The following ZNF341 variants were observed in gnomAD, a reference collection of about 807,000 sequenced individuals.
The protein encoded by ZNF341 is zinc finger protein 341.
ZNF341 carries 52 observed loss-of-function variants against 87.7 expected under a neutral mutation model. The observed-to-expected ratio is 0.59, with a 90% confidence interval of 0.47 to 0.75. The LOEUF is 0.75. ZNF341 is among the 30% of genes least tolerant of loss of function. The probability of loss-of-function intolerance (pLI) is 0.00; values close to 1 mark genes in which losing one functional copy is unlikely to be tolerated. For synonymous variants in ZNF341, 459 were observed against 472.7 expected (o/e 0.97, Z 0.38); for missense variants, 977 against 1,145.9 (o/e 0.85, Z 2.13).
chr20:33,734,403 G>A (rs145142392), intron 1 of ZNF341, among the ~76,000 whole-genome samples: 21 of 152,342 alleles, frequency 1.4e-4, no homozygotes, highest in Admixed American at 5.9e-4. Context: ...GAGGGGGCCA[G>A]AGTGGCAGTG....
At chr20:33,768,168 G>A (rs2019448815) in intron 9 of ZNF341, among the ~76,000 whole-genome samples, 1 of 151,964 alleles carries the variant, frequency 6.6e-6, no homozygotes, top group Non-Finnish European at 1.5e-5. Context: ...TGTCGCCCAG[G>A]CTGGAGTGCA....
rs41303803 is a variant in ZNF341 at position 33,791,312 on chromosome 20, C to G, written c.2360C>G (p.Ala787Gly). 5.6e-6 allele frequency: 9 copies of G among 1,611,450 alleles called. No homozygotes were observed. In the African/African-American group the frequency reaches 1.2e-4, roughly 22 times the overall value. Residue 787 changes from alanine to glycine, a missense_variant, in exon 15 of 15, where the codon GCT becomes GGT. Physicochemically the swap from Ala to Gly is moderately conservative, Grantham distance 60 (BLOSUM62 0). Coordinates refer to ENST00000375200, the MANE Select transcript of ZNF341 (RefSeq NM_001282933.2). ...KDTGAGLVPE[A>G]VPGKPPFAEP... ...ACAGGGGCTGGGCTGGTGCCCGAGG[C>G]TGTCCCCGGCAAGCCGCCCTTCGCA...
At chr20:33,758,857 C>A (rs955865078) in intron 7 of ZNF341, 51 bp downstream of exon 7, 1 of 1,528,378 alleles carries the variant, frequency 6.5e-7, no homozygotes, top group Non-Finnish European at 9.0e-7. Flanking sequence ...TGGCTGGGAC[C>A]ATCTGTGCTG....
rs749408885 is a variant in ZNF341, at chr20:33,788,912, G to A, written c.1902G>A (p.Lys634=). ...CSVCESAFNR[K]DKLKRHMLIH... is the part of the protein sequence containing the mutation. ...TGTGCGAGTCTGCGTTCAACCGCAAGGACAAACTGAAGAGACACATGTTGA... is the reference window on the plus strand; with the variant it reads ...TGTGCGAGTCTGCGTTCAACCGCAAAGACAAACTGAAGAGACACATGTTGA... Residue 634 remains lysine (K), a synonymous_variant, in exon 13 of 15, where the codon AAG becomes AAA. Transcript: ENST00000375200. The A allele has an allele frequency of 1.2e-6, 2 of 1,614,052 alleles. No homozygotes were observed. Among genetic ancestry groups the A allele is most frequent in the Non-Finnish European group, 1.7e-6 (2 of 1,180,014 alleles).
At chr20:33,774,737 G>T (rs1209304281) in intron 10 of ZNF341, among the ~76,000 whole-genome samples, 1 of 152,136 alleles carries the variant, frequency 6.6e-6, no homozygotes, top group Admixed American at 6.5e-5. Context: ...GGAGGCCGAG[G>T]CAGGCAGATC....
chr20:33,788,303 C>T (rs1458462451), intron 12 of ZNF341: 1 of 159,596 alleles, frequency 6.3e-6, no homozygotes, highest in Non-Finnish European at 1.4e-5. Flanking sequence ...CCTGTAATCC[C>T]ATCTACTCAG....
chr20:33,790,759 T>C (rs1306464609), intron 14 of ZNF341, among the ~76,000 whole-genome samples: 1 of 151,988 alleles, frequency 6.6e-6, no homozygotes, highest in Non-Finnish European at 1.5e-5. Context: ...CAGAGGAGAA[T>C]GGCAAGTACA....
chr20:33,778,016 CAT>C lies in ZNF341; in HGVS notation c.1623-3272_1623-3271del, dbSNP rs1402024714. Among the ~76,000 whole-genome samples the C allele has an allele frequency of 5.9e-5, 9 of 152,330 alleles. No homozygotes were observed. The East Asian group carries it at 1.7e-3, about 29-fold the overall frequency. On this transcript the variant is annotated intron_variant, in intron 10 of 14. Transcript: ENST00000375200. Reference sequence around the variant, plus strand: ...AAATACTGTGTCCTCCTCCGTGTGTCATATCAGGAGGCATGTGATGTTGATTT... The same window carrying C: ...AAATACTGTGTCCTCCTCCGTGTGTCATCAGGAGGCATGTGATGTTGATTT...
chr20:33,747,634 A>AAAC (rs2018959315), intron 3 of ZNF341, among the ~76,000 whole-genome samples: 1 of 132,600 alleles, frequency 7.5e-6, no homozygotes, highest in Admixed American at 7.0e-5. Context: ...AAAAAAAAAA[A>AAAC]AAAAAAAACA....
rs747928311 is a variant in ZNF341, at chr20:33,757,331, G to A, written c.925G>A (p.Gly309Arg). The change falls in exon 6 of 15, where the codon GGA becomes AGA. Residue 309 changes from glycine (G) to arginine (R), a missense_variant. Physicochemically the swap from Gly to Arg is moderately radical, Grantham distance 125 (BLOSUM62 -2). This residue lies in a region of ZNF341 where 515 missense variants were observed against 598.2 expected (regional missense o/e 0.86). Transcript: ENST00000375200. ...LKTRRAKGAR[G>R]LPEAAGKPKA... is the part of the protein sequence containing the mutation. ...GACCCGACGAGCTAAAGGTGCCAGG[G>A]GACTCCCGGAAGGTGGGCCCCCAGC... 3.2e-6 allele frequency: 5 copies of A among 1,545,404 alleles called. No individual in the cohort carries two copies. The East Asian group carries it at 1.2e-4, about 37-fold the overall frequency.
chr20:33,771,153 A>G (rs2019524963), intron 10 of ZNF341, among the ~76,000 whole-genome samples: 1 of 152,170 alleles, frequency 6.6e-6, no homozygotes. Flanking sequence ...AATGAACGGT[A>G]ACATGTTTAA....
Position 33,785,447 on chromosome 20 carries a change from C to T in ZNF341, c.1852+1583C>T, listed in dbSNP as rs546599319. Reference sequence around the variant, plus strand: ...CCGCCTCCCAGGTTCAAGCCATTCTCGTGCCTCAGCCTCCCGAGTAGCTGG... The same window carrying T: ...CCGCCTCCCAGGTTCAAGCCATTCTTGTGCCTCAGCCTCCCGAGTAGCTGG... On this transcript the variant is annotated intron_variant, in intron 12 of 14. Transcript: ENST00000375200. Among the ~76,000 whole-genome samples the T allele has an allele frequency of 7.2e-5, 11 of 152,288 alleles. No individual in the cohort carries two copies. The South Asian group carries it at 1.7e-3, about 23-fold the overall frequency.
chr20:33,782,750 G>A (rs564476165), intron 11 of ZNF341, among the ~76,000 whole-genome samples: 2 of 152,340 alleles, frequency 1.3e-5, no homozygotes, highest in East Asian at 1.9e-4. Flanking sequence ...GTCTGTGCCC[G>A]TGACCAACGC....
chr20:33,764,241 A>G (rs1334914461), intron 8 of ZNF341, among the ~76,000 whole-genome samples: 1 of 149,928 alleles, frequency 6.7e-6, no homozygotes, highest in Non-Finnish European at 1.5e-5. Context: ...GTTAGCCAGG[A>G]TGGTCTCCAT....
At chr20:33,739,794 A>C (rs770464247) in intron 1 of ZNF341, among the ~76,000 whole-genome samples, 1 of 152,196 alleles carries the variant, frequency 6.6e-6, no homozygotes, top group Non-Finnish European at 1.5e-5. Flanking sequence ...TTTCACATGA[A>C]AGTCCAGAGG....
chr20:33,738,295 T>G (rs1238915510), intron 1 of ZNF341, among the ~76,000 whole-genome samples: 3 of 152,100 alleles, frequency 2.0e-5, no homozygotes, highest in African/African-American at 7.2e-5. Context: ...ATGATAATAA[T>G]ATTATATGCA....
chr20:33,786,027 CTTTTTTTTTTTT>C (rs11478588), intron 12 of ZNF341, among the ~76,000 whole-genome samples: 9 of 68,682 alleles, frequency 1.3e-4, no homozygotes, highest in African/African-American at 5.1e-4. Flanking sequence ...ATGTATGAAC[CTTTTTTTTTTTT>C]TTTTTTTTTT....
At position 33,732,504 on chromosome 20, in the gene ZNF341, T is replaced by C. The variant is rs2018592995; in HGVS notation, c.31+452T>C. On this transcript the variant is annotated intron_variant, in intron 1 of 14. Coordinates refer to ENST00000375200, the MANE Select transcript of ZNF341 (RefSeq NM_001282933.2). This position sits in a 1 kb window ranked among gnomAD's most constrained non-coding sequence, Gnocchi z 4.5. ...AAGAACTTCTGCGGAGCGGACTGTATGCCTCGTGCTAGGACGTAGTCTCAA... is the reference window on the plus strand; with the variant it reads ...AAGAACTTCTGCGGAGCGGACTGTACGCCTCGTGCTAGGACGTAGTCTCAA... Among the ~76,000 whole-genome samples the C allele has an allele frequency of 6.6e-6, 1 of 152,186 alleles. No individual in the cohort carries two copies. Among genetic ancestry groups the C allele is most frequent in the Admixed American group, 6.5e-5 (1 of 15,272 alleles).
At chr20:33,759,041 C>T (rs537892956) in intron 7 of ZNF341, among the ~76,000 whole-genome samples, 28 of 152,224 alleles carry the variant, frequency 1.8e-4, no homozygotes, top group African/African-American at 6.5e-4. Flanking sequence ...AGGGATGGGC[C>T]GTGTAGGGGA....
Sources: allele counts gnomAD v4.1 joint callset (sites outside exome capture counted in the v4.1 genomes callset), GRCh38; gene constraint gnomAD v4.1.1; regional missense constraint gnomAD v4.1.1; non-coding constraint Gnocchi (gnomAD v3.1); transcripts MANE v1.5; gene names NCBI Gene and HGNC (gene_info 2026-07-23, HGNC 2026-07-21).